ACVR1: variants seen among roughly 807,000 people sequenced by gnomAD.
ACVR1 encodes activin receptor type-1.
A neutral mutation model predicts 57.1 loss-of-function variants in ACVR1; 38 were observed. The ratio of observed to expected loss-of-function variants is 0.67; its 90% CI spans 0.51 to 0.87. The LOEUF (loss-of-function observed/expected upper bound fraction) is 0.87, where lower values mean the gene tolerates loss of function less well. Among genes scored for constraint, ACVR1 ranks in the 40% least tolerant of loss-of-function variants. The pLI is 0.00. For missense variants in ACVR1, 463 were observed against 638.2 expected (o/e 0.73, Z 2.96); for synonymous variants, 212 against 228.1 (o/e 0.93, Z 0.63).
intron 1 of ACVR1, among the ~76,000 whole-genome samples, chr2:157,832,157 T>C (rs1036634577): frequency 1.3e-5 from 2 of 152,118 alleles, no homozygotes; most frequent in African/African-American, 2.4e-5. Flanking sequence ...CAGGCATTGG[T>C]ATCTTAAGCA....
intron 3 of ACVR1, among the ~76,000 whole-genome samples, chr2:157,789,538 T>C (rs1197378056): frequency 2.0e-5 from 3 of 152,248 alleles, no homozygotes; most frequent in Non-Finnish European, 2.9e-5. Context: ...GTAGCTTTAA[T>C]GCCACCAGTC....
chr2:157,859,391 G>A (rs942773557), intron 1 of ACVR1, among the ~76,000 whole-genome samples: 7 of 152,122 alleles, frequency 4.6e-5, no homozygotes, highest in African/African-American at 1.4e-4. Flanking sequence ...AAAATAATTC[G>A]GAAATAACCA....
chr2:157,826,827 G>A (rs1414611818), intron 1 of ACVR1, among the ~76,000 whole-genome samples: 3 of 131,100 alleles, frequency 2.3e-5, no homozygotes, highest in Non-Finnish European at 4.7e-5. Flanking sequence ...AAGGGGAGAG[G>A]GGAGAGGGGA....
intron 9 of ACVR1, among the ~76,000 whole-genome samples, chr2:157,742,397 G>T (rs989903082): frequency 1.3e-5 from 2 of 152,148 alleles, no homozygotes; most frequent in Admixed American, 6.5e-5. Context: ...GGCCAGGGAC[G>T]GAACAGACTG....
chr2:157,773,960 C>T, intron 6 of ACVR1, 128 bp downstream of exon 6: 3 of 764,272 alleles, frequency 3.9e-6, no homozygotes, highest in Non-Finnish European at 6.6e-6. Flanking sequence ...AGAATAGAGA[C>T]CACATCTCAT....
At chr2:157,760,561 A>T (rs1685606984) in intron 9 of ACVR1, among the ~76,000 whole-genome samples, 1 of 152,174 alleles carries the variant, frequency 6.6e-6, no homozygotes, top group Non-Finnish European at 1.5e-5. Flanking sequence ...TATCACATGT[A>T]CCCCATAAAC....
intron 3 of ACVR1, among the ~76,000 whole-genome samples, chr2:157,789,119 T>C (rs766183412): frequency 1.1e-4 from 17 of 152,250 alleles, no homozygotes; most frequent in Non-Finnish European, 2.2e-4. Context: ...ATAAAGATCT[T>C]ACAGTCACAA....
chr2:157,747,405 G>A (rs1424081254), intron 9 of ACVR1, among the ~76,000 whole-genome samples: 1 of 151,942 alleles, frequency 6.6e-6, no homozygotes, highest in African/African-American at 2.4e-5. Flanking sequence ...GTCTACAATA[G>A]GCCCCAAATG....
chr2:157,762,391 T>C (rs758215775), intron 8 of ACVR1, among the ~76,000 whole-genome samples: 2 of 152,174 alleles, frequency 1.3e-5, no homozygotes, highest in Middle Eastern at 3.2e-3. Context: ...AAAAACATAG[T>C]ATATATAGAA....
chr2:157,753,295 C>T (rs556668491), intron 9 of ACVR1, among the ~76,000 whole-genome samples: 19 of 152,070 alleles, frequency 1.2e-4, no homozygotes, highest in Non-Finnish European at 2.1e-4. Flanking sequence ...TTTGGGAGGC[C>T]GAGGCGGGCA....
intron 1 of ACVR1, among the ~76,000 whole-genome samples, chr2:157,838,544 T>C (rs934220132): frequency 6.6e-6 from 1 of 152,146 alleles, no homozygotes; most frequent in Non-Finnish European, 1.5e-5. Flanking sequence ...GTACAAACTA[T>C]TAGGAAAAAT....
At chr2:157,833,412 G>A (rs1286624643) in intron 1 of ACVR1, among the ~76,000 whole-genome samples, 1 of 152,162 alleles carries the variant, frequency 6.6e-6, no homozygotes, top group Non-Finnish European at 1.5e-5. Context: ...AGTGCTCTCT[G>A]GTGGAAATGG....
At chr2:157,821,904 A>G (rs557506858) in intron 1 of ACVR1, among the ~76,000 whole-genome samples, 1 of 152,368 alleles carries the variant, frequency 6.6e-6, no homozygotes, top group Admixed American at 6.5e-5. Flanking sequence ...GACCTGAGTA[A>G]CAGGCAAGCA....
intron 2 of ACVR1, among the ~76,000 whole-genome samples, chr2:157,800,702 T>TACTACTGTTG (rs1489656027): frequency 6.6e-6 from 1 of 152,186 alleles, no homozygotes; most frequent in Non-Finnish European, 1.5e-5. Flanking sequence ...AGGAAGATCC[T>TACTACTGTTG]ACTACTGTTG....
At chr2:157,767,334 C>G (rs1050452259) in intron 7 of ACVR1, among the ~76,000 whole-genome samples, 5 of 152,152 alleles carry the variant, frequency 3.3e-5, no homozygotes, top group Non-Finnish European at 2.9e-5. Context: ...GCGATCAGCC[C>G]GGAAGAGATT....
intron 1 of ACVR1, among the ~76,000 whole-genome samples, chr2:157,836,532 C>A (rs1014254673): frequency 2.6e-5 from 4 of 152,230 alleles, no homozygotes; most frequent in African/African-American, 9.6e-5. Flanking sequence ...GAAACCAGGA[C>A]AAGCGTCACT....
chr2:157,764,227 G>A (rs1685772932), intron 8 of ACVR1, among the ~76,000 whole-genome samples: 1 of 152,058 alleles, frequency 6.6e-6, no homozygotes, highest in South Asian at 2.1e-4. Flanking sequence ...CTGTCGCCCA[G>A]GCTGGAGTGC....
intron 3 of ACVR1, among the ~76,000 whole-genome samples, chr2:157,782,863 T>G (rs1686577091): frequency 6.6e-6 from 1 of 152,224 alleles, no homozygotes; most frequent in Non-Finnish European, 1.5e-5. Context: ...AGATCATAGA[T>G]ACCCCAGGAT....
chr2:157,777,985 T>C (rs935647048), intron 5 of ACVR1, 146 bp downstream of exon 5: 8 of 814,234 alleles, frequency 9.8e-6, no homozygotes, highest in East Asian at 2.7e-5. Context: ...GGTGCCAGCA[T>C]GTGCTTGTTT....
Sources: allele counts gnomAD v4.1 joint callset (sites outside exome capture counted in the v4.1 genomes callset), GRCh38; gene constraint gnomAD v4.1.1; transcripts MANE v1.5; gene names NCBI Gene and HGNC (gene_info 2026-07-23, HGNC 2026-07-21).